The following NPAS1 variants were observed in gnomAD, a reference collection of about 807,000 sequenced individuals.
The protein encoded by NPAS1 is neuronal PAS domain protein 1, also known as neuronal PAS domain-containing protein 1.
Under a neutral mutation model 49.2 loss-of-function variants are expected in NPAS1, and 29 were observed. The ratio of observed to expected loss-of-function variants is 0.59; its 90% confidence interval spans 0.44 to 0.80. The LOEUF is 0.80. Ranked by LOEUF, NPAS1 falls within the 30% of genes least tolerant of loss-of-function variation. NPAS1 has a pLI of 0.00. For synonymous variants in NPAS1, 408 were observed against 380.4 expected (o/e 1.07, Z -0.84); for missense variants, 825 against 835.5 (o/e 0.99, Z 0.15).
intron 11 of NPAS1, among the ~76,000 whole-genome samples, chr19:47,043,834 G>C (rs527928597): frequency 6.6e-6 from 1 of 152,264 alleles, no homozygotes; most frequent in South Asian, 2.1e-4. Context: ...GGAGGCTGAG[G>C]TAAGAGAATT....
chr19:47,026,751 T>C (rs543883774), intron 3 of NPAS1, among the ~76,000 whole-genome samples: 3 of 152,082 alleles, frequency 2.0e-5, no homozygotes, highest in Admixed American at 2.0e-4. Flanking sequence ...GGTCAGGAGT[T>C]CAAGACAAGC....
chr19:47,041,181 C>G lies in NPAS1; in HGVS notation c.1217+56C>G, dbSNP rs1408151757. On this transcript the variant is annotated intron_variant, in intron 10 of 11. Coordinates refer to ENST00000602212, the MANE Select transcript of NPAS1 (RefSeq NM_002517.4). ...CACTCAGGGCCCTGCTGTCTCTCCC[C>G]ACCTCCAGTGGGGGTGCTTTGGGGA... is the stretch of plus-strand genomic sequence containing the variant. 3.4e-6 allele frequency: 5 copies of G among 1,450,720 alleles called. No individual in the cohort carries two copies. In the African/African-American group the frequency reaches 7.2e-5, roughly 21 times the overall value. 89.9% of individuals were successfully genotyped at this position (1,450,720 alleles called of 1,614,324 possible).
chr19:47,033,964 A>T (rs2056926389), intron 5 of NPAS1, among the ~76,000 whole-genome samples: 1 of 123,006 alleles, frequency 8.1e-6, no homozygotes, highest in Admixed American at 9.4e-5. Flanking sequence ...CAACAAAGTG[A>T]GGCTATGCCT....
rs976800790 is a variant in NPAS1, at chr19:47,021,909, G to T, written c.358+62G>T. The T allele has an allele frequency of 1.1e-5, 13 of 1,138,392 alleles. No individual in the cohort carries two copies. Among genetic ancestry groups the T allele is most frequent in the Admixed American group, 3.7e-5 (1 of 27,192 alleles). 70.5% of individuals were successfully genotyped at this position (1,138,392 alleles called of 1,614,324 possible). ...CTCCAGGCGGAGTCACTGCAGCCCA[G>T]ATCCGGGCTGCGGGCCTGCCCTCGC... On this transcript the variant is annotated intron_variant, in intron 3 of 11. Transcript: ENST00000602212. This position sits in a 1 kb window ranked among gnomAD's most constrained non-coding sequence, Gnocchi z 5.7.
At position 47,036,098 on chromosome 19, in the gene NPAS1, TTCC is replaced by T; in HGVS notation, c.660_662del (p.Ser222del). The stretch of plus-strand genomic sequence containing the variant: ...CCTCCGTCTCCTCTTCCTCCTCCTC[TTCC>T]TCTTCGCTTGCAGATACCCCCGAGA... On this transcript the variant is annotated inframe_deletion, in exon 6 of 12. Coordinates refer to ENST00000602212, the MANE Select transcript of NPAS1 (RefSeq NM_002517.4). The T allele has an allele frequency of 1.3e-6, 2 of 1,577,368 alleles. No individual in the cohort carries two copies. The highest frequency in any genetic ancestry group is 2.3e-5 in the South Asian group (2 of 86,422).
At chr19:47,044,057 C>A (rs2057049153) in intron 11 of NPAS1, among the ~76,000 whole-genome samples, 1 of 151,812 alleles carries the variant, frequency 6.6e-6, no homozygotes, top group Non-Finnish European at 1.5e-5. Flanking sequence ...CGGGGTAAGA[C>A]CTCGTCTCAA....
At chr19:47,027,323 T>A (rs987421611) in intron 3 of NPAS1, among the ~76,000 whole-genome samples, 1 of 94,680 alleles carries the variant, frequency 1.1e-5, no homozygotes, top group Non-Finnish European at 2.4e-5. Flanking sequence ...CTTCTGCCCC[T>A]GGATCCCCCT....
Position 47,021,100 on chromosome 19 carries a change from G to A in NPAS1, c.53G>A (p.Gly18Glu). 1 of 1,604,086 alleles carries A rather than the reference G, an allele frequency of 6.2e-7. No homozygotes were observed. Among genetic ancestry groups the A allele is most frequent in the Non-Finnish European group, 8.5e-7 (1 of 1,176,062 alleles). The change falls in exon 2 of 12, where the codon GGA becomes GAA. Residue 18 changes from glycine (G) to glutamate (E), a missense_variant. By Grantham distance (98) the Gly-to-Glu change is moderately conservative (BLOSUM62 -2). Coordinates refer to ENST00000602212, the MANE Select transcript of NPAS1 (RefSeq NM_002517.4). The surrounding 1 kb of genome is among the most constrained non-coding windows in gnomAD (Gnocchi z 5.7). ...SGGGSEVKCV[G>E]GRGASVPWDF... The stretch of plus-strand genomic sequence containing the variant: ...GGCGGAAGCGAGGTCAAATGCGTGG[G>A]AGGCCGCGGCGCCAGCGTCCCCTGG...
intron 3 of NPAS1, among the ~76,000 whole-genome samples, chr19:47,028,452 G>A (rs1354626231): frequency 1.3e-5 from 2 of 152,072 alleles, no homozygotes; most frequent in East Asian, 3.9e-4. Context: ...GAGGGGCGGG[G>A]TTTCGCCGCC....
chr19:47,031,213 TA>T (rs1180878917), intron 3 of NPAS1, among the ~76,000 whole-genome samples: 4 of 142,658 alleles, frequency 2.8e-5, no homozygotes, highest in African/African-American at 7.8e-5. Context: ...TTTTTTTTTT[TA>T]AACAGACGGA....
intron 11 of NPAS1, 122 bp from the exon 12 acceptor site, chr19:47,045,069 A>AAAT: frequency 1.1e-6 from 1 of 923,754 alleles, no homozygotes; most frequent in Non-Finnish European, 1.6e-6. Context: ...AACAAACAAA[A>AAAT]AAAAAAACCC....
At position 47,036,732 on chromosome 19, in the gene NPAS1, A is replaced by AAAT. The variant is rs1555772033; in HGVS notation, c.688+604_688+605insATA. Among the ~76,000 whole-genome samples the AAAT allele has an allele frequency of 8.6e-3, 1,289 of 150,496 alleles. 25 individuals carry two copies. The highest frequency in any genetic ancestry group is 0.03 in the African/African-American group (1,237 of 40,834). On this transcript the variant is annotated intron_variant, in intron 6 of 11. Transcript: ENST00000602212. The stretch of plus-strand genomic sequence containing the variant: ...ACTAAAAATACAAAAAAAAAAAAAA[A>AAAT]ATTAGCTGGGTATGGTGGGGGGTGC...
rs979673550 is a variant in NPAS1 at position 47,038,786 on chromosome 19, C to T, written c.689-250C>T. On this transcript the variant is annotated intron_variant, in intron 6 of 11. Coordinates refer to ENST00000602212, the MANE Select transcript of NPAS1 (RefSeq NM_002517.4). ...AGGTTGCAGTGAGCCAAGATTGCGC[C>T]ATTCACTCCAGCCTGGACAACAGAG... Among the ~76,000 whole-genome samples, 8 of 152,020 alleles carry T rather than the reference C, an allele frequency of 5.3e-5. No homozygotes were observed. In the South Asian group the frequency reaches 1.7e-3, roughly 31 times the overall value.
At chr19:47,042,011 A>AAG (rs2057027688) in intron 10 of NPAS1, among the ~76,000 whole-genome samples, 2 of 86,704 alleles carry the variant, frequency 2.3e-5, no homozygotes, top group South Asian at 5.6e-4. Flanking sequence ...AAAAAAAGGA[A>AAG]AAAACACCCT....
At chr19:47,042,359 A>G (rs1484643504) in intron 10 of NPAS1, among the ~76,000 whole-genome samples, 1 of 152,166 alleles carries the variant, frequency 6.6e-6, no homozygotes, top group East Asian at 1.9e-4. Context: ...TGAAGGAGGC[A>G]CTGAGGGACA....
chr19:47,020,901 C>A (rs1322955232), intron 1 of NPAS1, 105 bp from the exon 2 acceptor site: 2 of 404,626 alleles, frequency 4.9e-6, no homozygotes, highest in Non-Finnish European at 8.8e-6. Flanking sequence ...CAGGCCCCCC[C>A]CCCCCCAGCT....
At chr19:47,032,161 C>T in intron 3 of NPAS1, 117 bp from the exon 4 acceptor site, 1 of 910,740 alleles carries the variant, frequency 1.1e-6, no homozygotes. Context: ...GCCCAGATAC[C>T]CCAAGATGTC....
At position 47,021,380 on chromosome 19, in the gene NPAS1, C is replaced by G. The variant is rs935677342; in HGVS notation, c.122+211C>G. The stretch of plus-strand genomic sequence containing the variant: ...GGTCCTCAGAATTCACGCCCAACAT[C>G]TTTAATCTCTCGCCCTTCCTCCTCC... On this transcript the variant is annotated intron_variant, in intron 2 of 11. Coordinates refer to ENST00000602212, the MANE Select transcript of NPAS1 (RefSeq NM_002517.4). The surrounding 1 kb of genome is among the most constrained non-coding windows in gnomAD (Gnocchi z 5.7). Among the ~76,000 whole-genome samples, 2 of 152,232 alleles carry G rather than the reference C, an allele frequency of 1.3e-5. No homozygotes were observed. The highest frequency in any genetic ancestry group is 2.1e-4 in the South Asian group (1 of 4,834).
chr19:47,021,197 C>CG lies in NPAS1; in HGVS notation c.122+31dup, dbSNP rs767589211. The stretch of plus-strand genomic sequence containing the variant: ...GAGCAAAGCCCCGCCCCCCTGGCCG[C>CG]GGGCCCCCCCCCGGGTCCAATTCAC... On this transcript the variant is annotated intron_variant, in intron 2 of 11. Coordinates refer to ENST00000602212, the MANE Select transcript of NPAS1 (RefSeq NM_002517.4). The surrounding 1 kb of genome is among the most constrained non-coding windows in gnomAD (Gnocchi z 5.7). The CG allele has an allele frequency of 6.1e-6, 9 of 1,486,590 alleles. No individual in the cohort carries two copies. In the South Asian group the frequency reaches 6.7e-5, roughly 11 times the overall value. 92.1% of individuals were successfully genotyped at this position (1,486,590 alleles called of 1,614,324 possible).
Sources: allele counts gnomAD v4.1 joint callset (sites outside exome capture counted in the v4.1 genomes callset), GRCh38; gene constraint gnomAD v4.1.1; non-coding constraint Gnocchi (gnomAD v3.1); transcripts MANE v1.5; gene names NCBI Gene and HGNC (gene_info 2026-07-23, HGNC 2026-07-21).